The following STK24 variants were observed in gnomAD, a reference collection of about 807,000 sequenced individuals.
STK24 encodes the protein serine/threonine-protein kinase 24.
Under a neutral mutation model 55.6 loss-of-function variants are expected in STK24, and 21 were observed. The ratio of observed to expected loss-of-function variants is 0.38; its 90% CI spans 0.27 to 0.54. The LOEUF is 0.54. Among genes scored for constraint, STK24 ranks in the 20% least tolerant of loss-of-function variants. STK24 has a pLI of 0.79. For synonymous variants in STK24, 200 were observed against 215.2 expected (o/e 0.93, Z 0.62); for missense variants, 383 against 538.4 (o/e 0.71, Z 2.86).
intron 1 of STK24, among the ~76,000 whole-genome samples, chr13:98,530,336 C>T (rs149162981): frequency 5.6e-4 from 86 of 152,292 alleles, no homozygotes; most frequent in African/African-American, 2.0e-3. Flanking sequence ...ACTAGATTGC[C>T]AGAGCTCCTG....
chr13:98,573,679 G>A (rs1897799591), intron 1 of STK24, among the ~76,000 whole-genome samples: 1 of 152,154 alleles, frequency 6.6e-6, no homozygotes, highest in South Asian at 2.1e-4. Context: ...AATTTCTTTA[G>A]CCAATCTAAC....
At chr13:98,488,749 C>G (rs991434305) in intron 2 of STK24, among the ~76,000 whole-genome samples, 2 of 152,116 alleles carry the variant, frequency 1.3e-5, no homozygotes, top group Non-Finnish European at 2.9e-5. Context: ...AACCAGGGCC[C>G]CCACATTAAC....
chr13:98,561,573 C>T (rs1897419997), intron 1 of STK24, among the ~76,000 whole-genome samples: 2 of 151,656 alleles, frequency 1.3e-5, no homozygotes, highest in Admixed American at 6.6e-5. Flanking sequence ...CAGAGTGAGA[C>T]TGTCTCAAAA....
intron 2 of STK24, among the ~76,000 whole-genome samples, chr13:98,515,900 T>C (rs537632021): frequency 2.1e-4 from 32 of 152,172 alleles, no homozygotes; most frequent in Non-Finnish European, 4.3e-4. Context: ...CTAAGAACAG[T>C]AGCTCTGAAC....
At chr13:98,471,171 T>G (rs1894128060) in intron 5 of STK24, among the ~76,000 whole-genome samples, 1 of 152,144 alleles carries the variant, frequency 6.6e-6, no homozygotes. Flanking sequence ...ATGGGCTCAG[T>G]GACCAGTGAC....
At chr13:98,483,792 C>T (rs1446150866) in intron 2 of STK24, among the ~76,000 whole-genome samples, 1 of 152,174 alleles carries the variant, frequency 6.6e-6, no homozygotes, top group East Asian at 1.9e-4. Flanking sequence ...GGAAGAGTAA[C>T]TCGTGTTGAC....
chr13:98,470,225 C>T (rs1894089717), intron 5 of STK24, among the ~76,000 whole-genome samples: 1 of 152,206 alleles, frequency 6.6e-6, no homozygotes, highest in Non-Finnish European at 1.5e-5. Context: ...CATCCTCCCA[C>T]CTCAGCCTCC....
In STK24 at chr13:98,472,193, C is replaced by CTTCTGAGAACTTTGAGACGCACTTCT. The variant is rs1454512074; in HGVS notation, c.597+2627_597+2628insAGAAGTGCGTCTCAAAGTTCTCAGAA. ...GGAAATCTCAGCCCTAAGGCCCCAG[C>CTTCTGAGAACTTTGAGACGCACTTCT]GTGAAACCCCACTTCTGAGAACTTT... On this transcript the variant is annotated intron_variant, in intron 5 of 10. Coordinates refer to ENST00000539966, the MANE Select transcript of STK24 (RefSeq NM_001032296.4). Among the ~76,000 whole-genome samples the CTTCTGAGAACTTTGAGACGCACTTCT allele has an allele frequency of 2.0e-5, 3 of 152,228 alleles. No individual in the cohort carries two copies. In the East Asian group the frequency reaches 5.8e-4, roughly 29 times the overall value.
chr13:98,540,855 C>G (rs1896867995), intron 1 of STK24, among the ~76,000 whole-genome samples: 1 of 150,830 alleles, frequency 6.6e-6, no homozygotes, highest in Non-Finnish European at 1.5e-5. Context: ...TTTCCTGGGC[C>G]TTAAAGCATG....
chr13:98,451,358 C>T lies in STK24; in HGVS notation c.*1815G>A, dbSNP rs1010811202. The T allele has an allele frequency of 6.6e-6, 1 of 152,160 alleles. No homozygotes were observed. Among genetic ancestry groups the T allele is most frequent in the Non-Finnish European group, 1.5e-5 (1 of 68,030 alleles). The allele number at this position is 152,160 out of a possible 1,614,324, so 9.4% of individuals were successfully genotyped here. A position where few individuals can be genotyped will look rare whatever the true frequency, so the allele number is the denominator to read the frequency against. On this transcript the variant is annotated 3_prime_UTR_variant, in exon 11 of 11. Transcript: ENST00000539966. The stretch of plus-strand genomic sequence containing the variant: ...TGGAAACACAAAATGAAATCTTCTC[C>T]AATTTTATTATTCAACATAACATTC...
At chr13:98,488,615 T>C (rs1467563033) in intron 2 of STK24, among the ~76,000 whole-genome samples, 2 of 152,182 alleles carry the variant, frequency 1.3e-5, no homozygotes, top group Admixed American at 6.5e-5. Flanking sequence ...CTTTTGCTTC[T>C]GGTAATTTTT....
At chr13:98,540,452 A>C (rs1293526582) in intron 1 of STK24, among the ~76,000 whole-genome samples, 1 of 152,160 alleles carries the variant, frequency 6.6e-6, no homozygotes, top group Non-Finnish European at 1.5e-5. Context: ...AAGGGCAAAG[A>C]CTTCCTTCAG....
chr13:98,523,760 C>T (rs773660847), intron 1 of STK24, among the ~76,000 whole-genome samples: 4 of 152,358 alleles, frequency 2.6e-5, no homozygotes, highest in East Asian at 1.9e-4. Flanking sequence ...CACAGAATCA[C>T]GAGAAATCGT....
intron 2 of STK24, among the ~76,000 whole-genome samples, chr13:98,512,882 T>A (rs753477628): frequency 6.6e-6 from 1 of 152,202 alleles, no homozygotes; most frequent in Admixed American, 6.5e-5. Context: ...CTCCCTCTCA[T>A]CTGTGGTGTC....
At chr13:98,542,455 T>C (rs1458837021) in intron 1 of STK24, among the ~76,000 whole-genome samples, 2 of 152,078 alleles carry the variant, frequency 1.3e-5, no homozygotes, top group African/African-American at 2.4e-5. Context: ...CTTTTACTGA[T>C]GGTAACCAGA....
chr13:98,473,760 C>G (rs534669545), intron 5 of STK24, among the ~76,000 whole-genome samples: 1 of 152,346 alleles, frequency 6.6e-6, no homozygotes, highest in South Asian at 2.1e-4. Flanking sequence ...AACAGTGAGA[C>G]GGGCTCACTC....
intron 1 of STK24, among the ~76,000 whole-genome samples, chr13:98,530,482 C>G (rs981241225): frequency 4.6e-5 from 7 of 152,058 alleles, no homozygotes. Context: ...GTGCCCTCTA[C>G]GGAGGAGGCA....
chr13:98,572,057 G>A (rs1286036391), intron 1 of STK24, among the ~76,000 whole-genome samples: 5 of 152,144 alleles, frequency 3.3e-5, no homozygotes, highest in Non-Finnish European at 5.9e-5. Context: ...CTCCAGGACC[G>A]ATCTAGATCT....
intron 1 of STK24, among the ~76,000 whole-genome samples, chr13:98,550,428 G>A (rs1448993330): frequency 6.6e-6 from 1 of 152,146 alleles, no homozygotes; most frequent in Non-Finnish European, 1.5e-5. Flanking sequence ...TACTTCGAAG[G>A]TGAGGCAGGA....
Sources: gnomAD v4.1 joint callset for allele counts (sites outside exome capture counted in the v4.1 genomes callset) on GRCh38, gnomAD v4.1.1 for gene constraint, MANE v1.5 for transcripts, NCBI Gene and HGNC (gene_info 2026-07-23, HGNC 2026-07-21) for gene names.